The following LMNTD1 variants were observed in gnomAD, a reference collection of about 807,000 sequenced individuals.
The protein encoded by LMNTD1 is lamin tail domain containing 1, also known as lamin tail domain-containing protein 1.
LMNTD1 carries 35 observed loss-of-function variants against 50.9 expected under a neutral mutation model. The observed-to-expected ratio is 0.69, with a 90% CI of 0.53 to 0.91. The LOEUF is 0.91. Ranked by LOEUF, LMNTD1 falls within the 40% of genes least tolerant of loss-of-function variation. The pLI is 0.00. For missense variants in LMNTD1, 470 were observed against 475.5 expected (o/e 0.99, Z 0.11); for synonymous variants, 153 against 161.9 (o/e 0.94, Z 0.42).
chr12:25,638,254 T>C (rs1946878735), intron 1 of LMNTD1, among the ~76,000 whole-genome samples: 2 of 152,066 alleles, frequency 1.3e-5, no homozygotes, highest in African/African-American at 4.8e-5. Flanking sequence ...AAAGACAGAA[T>C]GTTTTCCCTC....
intron 1 of LMNTD1, among the ~76,000 whole-genome samples, chr12:25,576,909 T>G (rs1037552265): frequency 8.5e-5 from 13 of 152,190 alleles, no homozygotes; most frequent in African/African-American, 1.9e-4. Context: ...TTTCTACATA[T>G]GGCTAGCCAG....
At position 25,630,217 on chromosome 12, in the gene LMNTD1, C is replaced by T. The variant is rs75865631; in HGVS notation, c.58+18277G>A. On this transcript the variant is annotated intron_variant, in intron 1 of 7. Coordinates refer to the LMNTD1 transcript ENST00000445693. Reference sequence around the variant, plus strand: ...AAAAAAACAAATAATCAAACAATTACACAACAATAATAATAAGCCCTGGGA... The same window carrying T: ...AAAAAAACAAATAATCAAACAATTATACAACAATAATAATAAGCCCTGGGA... Among the ~76,000 whole-genome samples, 845 of 152,218 alleles carry T rather than the reference C, an allele frequency of 5.6e-3. 2 individuals carry two copies. The highest frequency in any genetic ancestry group is 8.5e-3 in the Non-Finnish European group (579 of 68,006).
At chr12:25,526,986 G>A in intron 4 of LMNTD1, 31 bp from the exon 5 acceptor site, 3 of 1,505,504 alleles carry the variant, frequency 2.0e-6, no homozygotes, top group Non-Finnish European at 1.8e-6. Flanking sequence ...ATTGTAAGCT[G>A]CCTTCAGATA....
chr12:25,484,390 C>T (rs1261227767), intron 9 of LMNTD1, among the ~76,000 whole-genome samples: 10 of 151,888 alleles, frequency 6.6e-5, no homozygotes, highest in Non-Finnish European at 1.0e-4. Flanking sequence ...TGAGCCACTG[C>T]GCCTGGCCCA....
intron 1 of LMNTD1, among the ~76,000 whole-genome samples, chr12:25,575,619 T>C (rs1205852674): frequency 6.6e-6 from 1 of 152,196 alleles, no homozygotes; most frequent in Non-Finnish European, 1.5e-5. Flanking sequence ...CCTCTGCTTC[T>C]TTGACATTTT....
chr12:25,509,540 T>C (rs1344040763), intron 8 of LMNTD1, among the ~76,000 whole-genome samples: 1 of 152,252 alleles, frequency 6.6e-6, no homozygotes, highest in Non-Finnish European at 1.5e-5. Flanking sequence ...TTTAACTCCA[T>C]TTAGTCCTCT....
intron 6 of LMNTD1, 69 bp from the exon 7 acceptor site, chr12:25,520,144 A>G: frequency 1.7e-5 from 1 of 57,970 alleles, no homozygotes; most frequent in South Asian, 3.5e-4. Context: ...TATGAGATAT[A>G]CATATATATA....
At chr12:25,538,993 G>A (rs1942844190) in intron 4 of LMNTD1, among the ~76,000 whole-genome samples, 3 of 151,014 alleles carry the variant, frequency 2.0e-5, no homozygotes, top group South Asian at 4.2e-4. Context: ...TTACATAATG[G>A]TAATGGGATC....
chr12:25,647,377 T>G (rs1947095814), intron 1 of LMNTD1, among the ~76,000 whole-genome samples: 2 of 152,250 alleles, frequency 1.3e-5, no homozygotes, highest in South Asian at 4.1e-4. Flanking sequence ...CCTTCCCAGC[T>G]GCTCTGAAGG....
intron 4 of LMNTD1, among the ~76,000 whole-genome samples, chr12:25,542,123 G>T (rs1480390990): frequency 6.6e-6 from 1 of 150,764 alleles, no homozygotes; most frequent in Non-Finnish European, 1.5e-5. Context: ...CACTGTTGGT[G>T]GGACTGTAAA....
intron 9 of LMNTD1, among the ~76,000 whole-genome samples, chr12:25,488,234 C>A (rs9739648): frequency 0.025 from 2,702 of 107,350 alleles, 12 homozygotes; most frequent in Non-Finnish European, 0.033. Context: ...GTGTTTTCCA[C>A]CTTGGTTCCA....
Position 25,566,991 on chromosome 12 carries a change from G to C in LMNTD1, c.59-20437C>G, listed in dbSNP as rs181840100. Among the ~76,000 whole-genome samples the C allele has an allele frequency of 3.0e-4, 45 of 152,290 alleles. No homozygotes were observed. The East Asian group carries it at 8.5e-3, about 29-fold the overall frequency. The stretch of plus-strand genomic sequence containing the variant: ...AATGCTAAGGATACTAAGGCCCTGA[G>C]GTTCCAGTTATGTCTTTTGTAAGTG... On this transcript the variant is annotated intron_variant, in intron 1 of 7. Transcript: ENST00000445693.
intron 1 of LMNTD1, among the ~76,000 whole-genome samples, chr12:25,601,942 A>G (rs1945988255): frequency 6.6e-6 from 1 of 151,928 alleles, no homozygotes; most frequent in Admixed American, 6.6e-5. Flanking sequence ...TATTAAAAAT[A>G]TTTCCTTCTA....
chr12:25,593,688 T>C (rs1452590912), intron 1 of LMNTD1, among the ~76,000 whole-genome samples: 2 of 151,442 alleles, frequency 1.3e-5, no homozygotes, highest in South Asian at 4.2e-4. Context: ...TCACCAGCAA[T>C]GGGTCCAAAC....
chr12:25,599,777 C>T (rs1020483400), intron 1 of LMNTD1, among the ~76,000 whole-genome samples: 10 of 151,704 alleles, frequency 6.6e-5, no homozygotes, highest in East Asian at 3.9e-4. Flanking sequence ...AACTATGAAA[C>T]GCTGACGAAA....
chr12:25,519,710 T>G, intron 7 of LMNTD1, 148 bp downstream of exon 7: 63 of 595,500 alleles, frequency 1.1e-4, no homozygotes, highest in East Asian at 1.2e-4. Flanking sequence ...GCTTTTCCTA[T>G]GAGTTCTATT....
intron 1 of LMNTD1, among the ~76,000 whole-genome samples, chr12:25,608,265 A>T (rs1183403998): frequency 6.6e-6 from 1 of 152,138 alleles, no homozygotes; most frequent in Non-Finnish European, 1.5e-5. Context: ...TAGCACACTG[A>T]TGGATCTTGA....
At chr12:25,640,497 C>T (rs969474056) in intron 1 of LMNTD1, among the ~76,000 whole-genome samples, 9 of 140,548 alleles carry the variant, frequency 6.4e-5, no homozygotes, top group Non-Finnish European at 1.3e-4. Context: ...CAGAGTGAGA[C>T]TGTCTCAAAA....
intron 1 of LMNTD1, among the ~76,000 whole-genome samples, chr12:25,615,674 T>TG (rs1946340156): frequency 2.0e-5 from 3 of 152,268 alleles, no homozygotes; most frequent in South Asian, 4.1e-4. Context: ...TTGCCCAGGC[T>TG]GGTCTCAAAC....
Sources: allele counts gnomAD v4.1 joint callset (sites outside exome capture counted in the v4.1 genomes callset), GRCh38; gene constraint gnomAD v4.1.1; transcripts MANE v1.5; gene names NCBI Gene and HGNC (gene_info 2026-07-23, HGNC 2026-07-21).